Variants in PALLD observed in about 807,000 individuals in gnomAD.
PALLD encodes palladin.
A neutral mutation model predicts 123.5 loss-of-function variants in PALLD; 61 were observed. The ratio of observed to expected loss-of-function variants is 0.49; its 90% CI spans 0.40 to 0.61. The LOEUF is 0.61. Ranked by LOEUF, PALLD falls within the 20% of genes least tolerant of loss-of-function variation. The probability of loss-of-function intolerance (pLI) is 0.00; values close to 1 mark genes in which losing one functional copy is unlikely to be tolerated. For synonymous variants in PALLD, 465 were observed against 496.4 expected (o/e 0.94, Z 0.84); for missense variants, 1,273 against 1,377.0 (o/e 0.92, Z 1.20).
intron 2 of PALLD, among the ~76,000 whole-genome samples, chr4:168,644,733 C>T (rs1218683304): frequency 2.6e-5 from 4 of 152,122 alleles, no homozygotes; most frequent in Admixed American, 1.3e-4. Context: ...GTTCCTTTTT[C>T]GTGCCTATAG....
At chr4:168,771,434 A>G (rs780257672) in intron 10 of PALLD, among the ~76,000 whole-genome samples, 11 of 152,200 alleles carry the variant, frequency 7.2e-5, no homozygotes, top group Non-Finnish European at 1.6e-4. Flanking sequence ...ACGGGCTGCA[A>G]CAAGCCTTGC....
intron 1 of PALLD, among the ~76,000 whole-genome samples, chr4:168,506,308 G>T (rs1233738209): frequency 6.6e-6 from 1 of 152,062 alleles, no homozygotes; most frequent in Non-Finnish European, 1.5e-5. Flanking sequence ...CCAATGCACA[G>T]AAGTCTCAGT....
chr4:168,830,196 C>T (rs1743992960), intron 10 of PALLD, among the ~76,000 whole-genome samples: 1 of 144,472 alleles, frequency 6.9e-6, no homozygotes, highest in South Asian at 2.2e-4. Flanking sequence ...CACGCCACTG[C>T]ACTCCAGCTT....
chr4:168,660,725 T>G (rs1283932738), intron 2 of PALLD, among the ~76,000 whole-genome samples: 1 of 152,232 alleles, frequency 6.6e-6, no homozygotes, highest in African/African-American at 2.4e-5. Flanking sequence ...TTTTTCCTTT[T>G]ATGTACTATA....
chr4:168,573,096 A>C (rs1184442950), intron 2 of PALLD, among the ~76,000 whole-genome samples: 1 of 151,626 alleles, frequency 6.6e-6, no homozygotes, highest in African/African-American at 2.4e-5. Flanking sequence ...TGTTCTGAGT[A>C]AGCTTTCTTT....
chr4:168,760,307 C>T (rs757859597), intron 10 of PALLD, among the ~76,000 whole-genome samples: 9 of 143,954 alleles, frequency 6.3e-5, no homozygotes, highest in Middle Eastern at 3.5e-3. Context: ...CCCTAGTTCC[C>T]GGCTCTGGCA....
intron 1 of PALLD, among the ~76,000 whole-genome samples, chr4:168,504,590 A>C (rs1254387413): frequency 2.5e-5 from 2 of 80,272 alleles, no homozygotes; most frequent in Non-Finnish European, 5.2e-5. Flanking sequence ...CAAGACTCCA[A>C]CTCAAAAAAA....
At position 168,838,667 on chromosome 4, in the gene PALLD, CTTTTTTTTTTTTT is replaced by C. The variant is rs70961558; in HGVS notation, c.1965-52241_1965-52229del. ...GAGGAGAGAGATTATCTTCTAACTC[CTTTTTTTTTTTTT>C]TTTTTTTTTTTTTGCTGTGTCATTT... On this transcript the variant is annotated intron_variant, in intron 10 of 21. Transcript: ENST00000505667. 3.9e-4 allele frequency among the ~76,000 whole-genome samples: 35 copies of C among 88,782 alleles called. 1 individual carries two copies. The East Asian group carries it at 0.013, about 32-fold the overall frequency. 58.2% of individuals were successfully genotyped at this position (88,782 alleles called of 152,430 possible).
At chr4:168,603,949 C>T (rs1320435427) in intron 2 of PALLD, among the ~76,000 whole-genome samples, 1 of 152,210 alleles carries the variant, frequency 6.6e-6, no homozygotes, top group African/African-American at 2.4e-5. Flanking sequence ...ATTTCCCAAA[C>T]ATACTTGAGT....
chr4:168,600,752 A>T (rs990031842), intron 2 of PALLD, among the ~76,000 whole-genome samples: 4 of 152,186 alleles, frequency 2.6e-5, no homozygotes, highest in African/African-American at 9.6e-5. Context: ...CAGCATCATG[A>T]TTAAAGAGAG....
Position 168,914,096 on chromosome 4 carries a change from T to C in PALLD, c.2717+75T>C. On this transcript the variant is annotated intron_variant, in intron 16 of 21. Coordinates refer to ENST00000505667, the MANE Select transcript of PALLD (RefSeq NM_001166108.2). ...TATAAATGTAGTACTATTAGAATCA[T>C]CATATGACCACAAAAGTAAACATAA... 9 of 909,584 alleles carry C rather than the reference T, an allele frequency of 9.9e-6. 1 individual carries two copies. Among genetic ancestry groups the C allele is most frequent in the Non-Finnish European group, 7.2e-6 (4 of 553,890 alleles). The allele number at this position is 909,584 out of a possible 1,614,324, so 56.3% of individuals were successfully genotyped here.
intron 10 of PALLD, among the ~76,000 whole-genome samples, chr4:168,759,050 G>C (rs1208306652): frequency 6.6e-6 from 1 of 150,674 alleles, no homozygotes; most frequent in Non-Finnish European, 1.5e-5. Context: ...GTGATAGCAG[G>C]TACCTGTAAT....
At chr4:168,525,453 T>C (rs1188876619) in intron 2 of PALLD, among the ~76,000 whole-genome samples, 1 of 152,188 alleles carries the variant, frequency 6.6e-6, no homozygotes. Context: ...ATAGTGTATC[T>C]AGGTGTTAGG....
intron 10 of PALLD, among the ~76,000 whole-genome samples, chr4:168,733,326 T>C (rs1787364260): frequency 1.3e-5 from 2 of 152,242 alleles, no homozygotes; most frequent in Admixed American, 1.3e-4. Flanking sequence ...TTTTCATTCC[T>C]AACCCTGAAA....
chr4:168,557,595 C>G (rs1767450521), intron 2 of PALLD, among the ~76,000 whole-genome samples: 1 of 152,166 alleles, frequency 6.6e-6, no homozygotes, highest in South Asian at 2.1e-4. Flanking sequence ...TGTCCCCTAC[C>G]CCTTTAAACT....
chr4:168,597,529 TC>T (rs1389952114), intron 2 of PALLD, among the ~76,000 whole-genome samples: 1 of 152,144 alleles, frequency 6.6e-6, no homozygotes. Flanking sequence ...GGCATAGCTC[TC>T]TACTAACTTT....
intron 2 of PALLD, among the ~76,000 whole-genome samples, chr4:168,621,326 T>G (rs1179000143): frequency 3.3e-5 from 5 of 152,206 alleles, no homozygotes; most frequent in African/African-American, 9.6e-5. Flanking sequence ...GATGTACAGT[T>G]TATTCACTGT....
chr4:168,523,191 G>C (rs1319066119), intron 2 of PALLD, among the ~76,000 whole-genome samples: 2 of 136,314 alleles, frequency 1.5e-5, no homozygotes, highest in Non-Finnish European at 3.1e-5. Context: ...CCAAGTAATG[G>C]AGGAGAATCT....
chr4:168,533,935 A>C (rs1764853800), intron 2 of PALLD, among the ~76,000 whole-genome samples: 1 of 152,250 alleles, frequency 6.6e-6, no homozygotes, highest in Non-Finnish European at 1.5e-5. Flanking sequence ...CAAGTTTTTG[A>C]TAACTGACAA....
Sources: allele counts gnomAD v4.1 joint callset (sites outside exome capture counted in the v4.1 genomes callset), GRCh38; gene constraint gnomAD v4.1.1; transcripts MANE v1.5; gene names NCBI Gene and HGNC (gene_info 2026-07-23, HGNC 2026-07-21).